KLRG2: variants seen among roughly 807,000 people sequenced by gnomAD.
The protein encoded by KLRG2 is killer cell lectin like receptor G2, also known as killer cell lectin-like receptor subfamily G member 2.
KLRG2 carries 39 observed loss-of-function variants against 35.4 expected under a neutral mutation model. The ratio of observed to expected loss-of-function variants is 1.10; its 90% CI spans 0.85 to 1.44. The LOEUF (loss-of-function observed/expected upper bound fraction) is 1.44. KLRG2 is among the 40% of genes most tolerant of loss of function. KLRG2 has a pLI of 0.00. For missense variants in KLRG2, 632 were observed against 570.9 expected, an observed-to-expected ratio of 1.11 and a Z score of -1.09; for synonymous variants, 283 against 265.8, an observed-to-expected ratio of 1.06 and a Z score of -0.63.
intron 3 of KLRG2, among the ~76,000 whole-genome samples, chr7:139,479,069 AT>A (rs1309921244): frequency 6.6e-6 from 1 of 152,000 alleles, no homozygotes; most frequent in East Asian, 1.9e-4. Flanking sequence ...TTAAAAAAAA[AT>A]TATTTTTATT....
intron 3 of KLRG2, among the ~76,000 whole-genome samples, chr7:139,470,063 C>CTT (rs558355010): frequency 7.0e-6 from 1 of 143,688 alleles, no homozygotes; most frequent in African/African-American, 2.5e-5. Flanking sequence ...GTAAGCAATT[C>CTT]TTTTTTTTTT....
At chr7:139,430,861 T>C in the KLRG2 span, among the ~76,000 whole-genome samples, 2 of 151,524 alleles carry the variant, frequency 1.3e-5, no homozygotes, top group Admixed American at 1.3e-4. Context: ...ATACAAAAAT[T>C]AGCTAGGCAT....
intron 3 of KLRG2, among the ~76,000 whole-genome samples, chr7:139,472,521 G>C (rs993490067): frequency 2.0e-5 from 3 of 151,656 alleles, no homozygotes; most frequent in African/African-American, 7.3e-5. Flanking sequence ...AGGGCAGGAA[G>C]ATCACTTGAG....
At chr7:139,441,948 A>G in the KLRG2 span, among the ~76,000 whole-genome samples, 1 of 152,206 alleles carries the variant, frequency 6.6e-6, no homozygotes, top group Non-Finnish European at 1.5e-5. Flanking sequence ...AACAAGCAGC[A>G]GAAATCCACA....
intron 3 of KLRG2, among the ~76,000 whole-genome samples, chr7:139,466,053 C>T (rs1796648321): frequency 6.6e-6 from 1 of 152,182 alleles, no homozygotes; most frequent in African/African-American, 2.4e-5. Flanking sequence ...TAGAACCTCT[C>T]ATTTCCTTTC....
the KLRG2 span, among the ~76,000 whole-genome samples, chr7:139,447,181 C>A: frequency 6.6e-6 from 1 of 151,660 alleles, no homozygotes; most frequent in African/African-American, 2.4e-5. Flanking sequence ...AGTTTCAGAT[C>A]AAATACATTT....
At chr7:139,433,317 TTTTTG>T in the KLRG2 span, among the ~76,000 whole-genome samples, 4 of 145,050 alleles carry the variant, frequency 2.8e-5, no homozygotes, top group African/African-American at 1.1e-4. Context: ...TGTGGTTTTT[TTTTTG>T]TTTGTTTGTT....
intron 3 of KLRG2, 90 bp downstream of exon 3, chr7:139,479,537 C>G: frequency 7.7e-7 from 1 of 1,295,744 alleles, no homozygotes. Context: ...TAATGAAGAG[C>G]TGGACTCAAT....
In KLRG2 at chr7:139,483,013, G is replaced by T; in HGVS notation, c.630C>A (p.Ala210=). The change falls in exon 1 of 5, where the codon GCC becomes GCA. Residue 210 remains alanine, a synonymous_variant. Coordinates refer to ENST00000340940, the MANE Select transcript of KLRG2 (RefSeq NM_198508.4). ...AGCACGTGGGGGAGCCCGGGGAGCC[G>T]GCGCTTCCTTCCGCGGGGCTGGCCC... ...EGRASPAEGS[A]GSPGSPTCCR... 1 of 1,372,282 alleles carries T rather than the reference G, an allele frequency of 7.3e-7. No homozygotes were observed. Among genetic ancestry groups the T allele is most frequent in the East Asian group, 3.1e-5 (1 of 32,492 alleles). The allele number at this position is 1,372,282 out of a possible 1,614,324, so 85.0% of individuals were successfully genotyped here.
chr7:139,480,117 A>G (rs759755809), intron 2 of KLRG2, 29 bp downstream of exon 2: 2 of 1,418,056 alleles, frequency 1.4e-6, no homozygotes, highest in African/African-American at 1.4e-5. Flanking sequence ...CGGCAGGGAG[A>G]GGGGATGGGG....
In KLRG2 at chr7:139,479,478, C is replaced by A. The variant is rs143555734; in HGVS notation, c.1005+149G>T. ...ATTGCCTGAGCACAGGAGTTAGAGG[C>A]TGCACGAAGTTATGGTCATGCTACT... On this transcript the variant is annotated intron_variant, in intron 3 of 4. Coordinates refer to ENST00000340940, the MANE Select transcript of KLRG2 (RefSeq NM_198508.4). 6.5e-5 allele frequency: 51 copies of A among 780,410 alleles called. No homozygotes were observed. The African/African-American group carries it at 8.4e-4, about 13-fold the overall frequency. The allele number at this position is 780,410 out of a possible 1,614,324, so 48.3% of individuals were successfully genotyped here.
chr7:139,475,403 C>T (rs543545511), intron 3 of KLRG2, among the ~76,000 whole-genome samples: 10 of 151,900 alleles, frequency 6.6e-5, no homozygotes, highest in African/African-American at 2.4e-4. Flanking sequence ...TGGTGGCGGG[C>T]GCCTGTAGTC....
At chr7:139,469,850 C>T (rs921879948) in intron 3 of KLRG2, among the ~76,000 whole-genome samples, 2 of 152,356 alleles carry the variant, frequency 1.3e-5, no homozygotes, top group South Asian at 2.1e-4. Context: ...CCCGGCCATG[C>T]GTTCCGCACC....
the KLRG2 span, among the ~76,000 whole-genome samples, chr7:139,431,213 C>A: frequency 6.6e-6 from 1 of 152,074 alleles, no homozygotes; most frequent in East Asian, 1.9e-4. Context: ...AAACTGGTTT[C>A]TAGGGACAGA....
At chr7:139,446,508 C>T in the KLRG2 span, among the ~76,000 whole-genome samples, 2 of 151,748 alleles carry the variant, frequency 1.3e-5, no homozygotes, top group Non-Finnish European at 1.5e-5. Flanking sequence ...TGCCACCATC[C>T]CCAGCTAATT....
At chr7:139,466,373 G>A (rs551053448) in intron 3 of KLRG2, among the ~76,000 whole-genome samples, 17 of 152,242 alleles carry the variant, frequency 1.1e-4, no homozygotes, top group Non-Finnish European at 1.2e-4. Context: ...TATACAGTCT[G>A]ATAATGGACC....
chr7:139,430,890 TC>T, the KLRG2 span, among the ~76,000 whole-genome samples: 7 of 151,404 alleles, frequency 4.6e-5, no homozygotes, highest in Non-Finnish European at 1.0e-4. Context: ...GTGCCTATAA[TC>T]CCAGCTACTT....
chr7:139,482,060 A>G (rs1402598758), intron 1 of KLRG2, among the ~76,000 whole-genome samples: 2 of 152,046 alleles, frequency 1.3e-5, no homozygotes, highest in African/African-American at 2.4e-5. Flanking sequence ...TTCTGTGTCA[A>G]GCTCCCCCTC....
downstream of KLRG2, among the ~76,000 whole-genome samples, chr7:139,452,041 T>A (rs554801602): frequency 6.8e-6 from 1 of 147,410 alleles, no homozygotes; most frequent in Non-Finnish European, 1.5e-5. Flanking sequence ...CAATCTCGGC[T>A]CACTGCAACC....
Sources: gnomAD v4.1 joint callset for allele counts (sites outside exome capture counted in the v4.1 genomes callset) on GRCh38, gnomAD v4.1.1 for gene constraint, MANE v1.5 for transcripts, NCBI Gene and HGNC (gene_info 2026-07-23, HGNC 2026-07-21) for gene names.